Variants in STK25 observed in about 807,000 individuals in gnomAD.
STK25 encodes the protein serine/threonine-protein kinase 25.
In STK25, 29 loss-of-function variants were observed where a neutral mutation model predicts 53.8. The ratio of observed to expected loss-of-function variants is 0.54; its 90% confidence interval spans 0.40 to 0.74. The LOEUF (loss-of-function observed/expected upper bound fraction) is 0.74. STK25 is among the 30% of genes least tolerant of loss of function. STK25 has a pLI of 0.00. For synonymous variants in STK25, 247 were observed against 238.3 expected (o/e 1.04, Z -0.33); for missense variants, 420 against 568.0 (o/e 0.74, Z 2.65).
rs1435138412 is a variant in STK25 at position 241,493,647 on chromosome 2, T to G, written c.*2015A>C. 1.4e-5 allele frequency: 8 copies of G among 585,446 alleles called. No individual in the cohort carries two copies. Among genetic ancestry groups the G allele is most frequent in the South Asian group, 6.1e-5 (3 of 48,956 alleles). The allele number at this position is 585,446 out of a possible 1,614,324, so 36.3% of individuals were successfully genotyped here. On this transcript the variant is annotated 3_prime_UTR_variant, in exon 12 of 12. Coordinates refer to ENST00000316586, the MANE Select transcript of STK25 (RefSeq NM_001271977.2). Reference sequence around the variant, plus strand: ...TCTCCCTCTGTCACTCAGGCTGGAGTGCAGTGATACAATCTTGGCTCACTA... The same window carrying G: ...TCTCCCTCTGTCACTCAGGCTGGAGGGCAGTGATACAATCTTGGCTCACTA...
At chr2:241,508,221 G>T (rs916488601) in intron 1 of STK25, 86 bp from the exon 2 acceptor site, 7 of 1,307,934 alleles carry the variant, frequency 5.4e-6, no homozygotes, top group Admixed American at 4.1e-5. Flanking sequence ...GGTGGGGGGG[G>T]GCCCAGGAGA....
chr2:241,498,193 C>T, intron 9 of STK25, 42 bp downstream of exon 9: 2 of 1,574,288 alleles, frequency 1.3e-6, no homozygotes, highest in Non-Finnish European at 1.7e-6. Flanking sequence ...ATCCCACGGC[C>T]CCAGGGGTGC....
intron 10 of STK25, 144 bp downstream of exon 10, chr2:241,497,472 T>C: frequency 2.5e-6 from 2 of 813,354 alleles, no homozygotes; most frequent in South Asian, 1.7e-5. Context: ...CTCCTTCCAC[T>C]CAGAAAACCC....
Position 241,508,426 on chromosome 2 carries a change from C to A in STK25, c.-101+17G>T. On this transcript the variant is annotated intron_variant, in intron 1 of 11. Coordinates refer to ENST00000316586, the MANE Select transcript of STK25 (RefSeq NM_001271977.2). The stretch of plus-strand genomic sequence containing the variant: ...CTCCCCAATCGCCGCAAGCGCCCCG[C>A]CCGGCAGCGCGCCCACCTCCGCGGG... 4.6e-6 allele frequency: 5 copies of A among 1,084,828 alleles called. No individual in the cohort carries two copies. The highest frequency in any genetic ancestry group is 5.6e-6 in the Non-Finnish European group (5 of 890,532). The allele number at this position is 1,084,828 out of a possible 1,614,324, so 67.2% of individuals were successfully genotyped here. A position where few individuals can be genotyped will look rare whatever the true frequency, so the allele number is the denominator to read the frequency against.
At chr2:241,506,842 A>G (rs2065859968) in intron 2 of STK25, among the ~76,000 whole-genome samples, 1 of 152,248 alleles carries the variant, frequency 6.6e-6, no homozygotes, top group African/African-American at 2.4e-5. Context: ...AAGTTACCAG[A>G]TACAGAATGC....
intron 5 of STK25, 193 bp from the exon 6 acceptor site, chr2:241,499,607 C>A: frequency 1.5e-6 from 1 of 657,364 alleles, no homozygotes; most frequent in Non-Finnish European, 2.6e-6. Flanking sequence ...AGCAGGAGCC[C>A]AACGGCTCCA....
chr2:241,500,203 A>C lies in STK25; in HGVS notation c.397T>G (p.Ser133Ala), dbSNP rs2065425871. The C allele has an allele frequency of 3.1e-6, 5 of 1,613,864 alleles. No individual in the cohort carries two copies. Among genetic ancestry groups the C allele is most frequent in the Admixed American group, 1.7e-5 (1 of 59,984 alleles). ...EILKGLDYLH[S>A]ERKIHRDIKA... ...ATGTCTCGGTGGATCTTGCGTTCGG[A>C]GTGCAGATAATCCAGGCCCTTCAGA... The change falls in exon 5 of 12, where the codon TCC becomes GCC. Residue 133 changes from serine (S) to alanine (A), a missense_variant. Transcript: ENST00000316586.
Position 241,495,656 on chromosome 2 carries a change from T to C in STK25, c.*6A>G, listed in dbSNP as rs1052321512. ...CTTCCGTCCCCTATCTGAACAGCAGTGCGCTTCAGCGGGTGGATGTCAGGT... is the reference window on the plus strand; with the variant it reads ...CTTCCGTCCCCTATCTGAACAGCAGCGCGCTTCAGCGGGTGGATGTCAGGT... On this transcript the variant is annotated 3_prime_UTR_variant, in exon 12 of 12. Coordinates refer to ENST00000316586, the MANE Select transcript of STK25 (RefSeq NM_001271977.2). 5.0e-6 allele frequency: 8 copies of C among 1,614,058 alleles called. No homozygotes were observed. The African/African-American group carries it at 1.1e-4, about 22-fold the overall frequency.
rs1366337009 is a variant in STK25, at chr2:241,493,489, T to TCCGCTCAGCTCCCATTTCTACTC, written c.*2150_*2172dup. The TCCGCTCAGCTCCCATTTCTACTC allele has an allele frequency of 6.3e-7, 1 of 1,581,682 alleles. No individual in the cohort carries two copies. The highest frequency in any genetic ancestry group is 2.2e-5 in the East Asian group (1 of 44,666). On this transcript the variant is annotated 3_prime_UTR_variant, in exon 12 of 12. Transcript: ENST00000316586. The stretch of plus-strand genomic sequence containing the variant: ...CCCTGGTCAGCTGCCCATTTCGATG[T>TCCGCTCAGCTCCCATTTCTACTC]CCGCTCAGCTCCCATTTCTACTCAT...
At position 241,508,142 on chromosome 2, in the gene STK25, G is replaced by A. The variant is rs2065965366; in HGVS notation, c.-100-7C>T. The A allele has an allele frequency of 6.8e-7, 1 of 1,479,018 alleles. No individual in the cohort carries two copies. The highest frequency in any genetic ancestry group is 8.9e-7 in the Non-Finnish European group (1 of 1,117,540). 91.6% of individuals were successfully genotyped at this position (1,479,018 alleles called of 1,614,324 possible). A position where few individuals can be genotyped will look rare whatever the true frequency, so the allele number is the denominator to read the frequency against. On this transcript the variant is annotated splice_polypyrimidine_tract_variant and splice_region_variant and intron_variant, in intron 1 of 11. Coordinates refer to ENST00000316586, the MANE Select transcript of STK25 (RefSeq NM_001271977.2). Reference sequence around the variant, plus strand: ...CCCCTGCGGCGTCAGTCCACTGCGAGGGACACCAGGGGCGCTCGGTGCCCA... The same window carrying A: ...CCCCTGCGGCGTCAGTCCACTGCGAAGGACACCAGGGGCGCTCGGTGCCCA...
Position 241,494,209 on chromosome 2 carries a change from T to A in STK25, c.*1453A>T. 1.2e-6 allele frequency: 1 copy of A among 803,156 alleles called. No individual in the cohort carries two copies. The highest frequency in any genetic ancestry group is 1.9e-6 in the Non-Finnish European group (1 of 539,238). The allele number at this position is 803,156 out of a possible 1,614,324, so 49.8% of individuals were successfully genotyped here. ...CTCTGTCCTGAGGCTTCTCAACAGA[T>A]GGGAAGTGGCTGTGGTCTCACTGGA... On this transcript the variant is annotated 3_prime_UTR_variant, in exon 12 of 12. Coordinates refer to ENST00000316586, the MANE Select transcript of STK25 (RefSeq NM_001271977.2). This position sits in a 1 kb window ranked among gnomAD's most constrained non-coding sequence, Gnocchi z 4.9.
Position 241,495,609 on chromosome 2 carries a change from G to C in STK25, c.*53C>G. ...TCCAAGTCAGCACAGTTCTTATGGA[G>C]CTCAGAACAAAAACAAACGACCTTC... On this transcript the variant is annotated 3_prime_UTR_variant, in exon 12 of 12. Coordinates refer to ENST00000316586, the MANE Select transcript of STK25 (RefSeq NM_001271977.2). 8.1e-6 allele frequency: 13 copies of C among 1,596,828 alleles called. No individual in the cohort carries two copies. The highest frequency in any genetic ancestry group is 1.1e-5 in the Non-Finnish European group (13 of 1,164,188).
At position 241,493,601 on chromosome 2, in the gene STK25, T is replaced by G. The variant is rs1368251859; in HGVS notation, c.*2061A>C. On this transcript the variant is annotated 3_prime_UTR_variant, in exon 12 of 12. Transcript: ENST00000316586. Reference sequence around the variant, plus strand: ...TCCAAAAAACAGCAATGCTTTGTTTTTTTTTTTTTTGGAGATGGCGTCTCC... The same window carrying G: ...TCCAAAAAACAGCAATGCTTTGTTTGTTTTTTTTTTGGAGATGGCGTCTCC... 3 of 644,508 alleles carry G rather than the reference T, an allele frequency of 4.7e-6. No individual in the cohort carries two copies. Among genetic ancestry groups the G allele is most frequent in the Admixed American group, 2.9e-5 (1 of 34,448 alleles). 39.9% of individuals were successfully genotyped at this position (644,508 alleles called of 1,614,324 possible).
chr2:241,501,547 C>T lies in STK25; in HGVS notation c.192G>A (p.Gln64=). Residue 64 remains glutamine, a synonymous_variant, in exon 3 of 12, where the codon CAG becomes CAA. Coordinates refer to ENST00000316586, the MANE Select transcript of STK25 (RefSeq NM_001271977.2). The surrounding 1 kb of genome is among the most constrained non-coding windows in gnomAD (Gnocchi z 5.3). ...ACTGACTGAGGACAGTGATCTCCTG[C>T]TGGATGTCCTCGATCTCATCCTCGG... ...EEAEDEIEDI[Q]QEITVLSQCD... The T allele has an allele frequency of 6.2e-7, 1 of 1,614,124 alleles. No individual in the cohort carries two copies.
chr2:241,492,688 CTT>C lies in STK25; in HGVS notation c.*2972_*2973del. 2.2e-6 allele frequency: 1 copy of C among 464,098 alleles called. No homozygotes were observed. Among genetic ancestry groups the C allele is most frequent in the Non-Finnish European group, 3.9e-6 (1 of 259,260 alleles). 28.7% of individuals were successfully genotyped at this position (464,098 alleles called of 1,614,324 possible). A position where few individuals can be genotyped will look rare whatever the true frequency, so the allele number is the denominator to read the frequency against. ...TGGATGGTTGGTTACTGAACACTGA[CTT>C]TATTGTGCACAGGGAAAGGGAACTC... is the stretch of plus-strand genomic sequence containing the variant. On this transcript the variant is annotated 3_prime_UTR_variant, in exon 12 of 12. Transcript: ENST00000316586.
chr2:241,507,025 A>G (rs1280188852), intron 2 of STK25, among the ~76,000 whole-genome samples: 1 of 152,032 alleles, frequency 6.6e-6, no homozygotes, highest in East Asian at 1.9e-4. Flanking sequence ...TCCTGCCCCT[A>G]CGCGAACAGA....
In STK25 at chr2:241,499,025, C is replaced by T. The variant is rs1233888729; in HGVS notation, c.735G>A (p.Glu245=). ...LEGQHSKPFK[E]FVEACLNKDP... The stretch of plus-strand genomic sequence containing the variant: ...CTTTGTTGAGGCAGGCCTCCACGAA[C>T]TCCTTGAAGGGCTTGCTGTGCTGGC... The change falls in exon 7 of 12, where the codon GAG becomes GAA. Residue 245 remains glutamate (E), a synonymous_variant. Coordinates refer to ENST00000316586, the MANE Select transcript of STK25 (RefSeq NM_001271977.2). The T allele has an allele frequency of 6.2e-7, 1 of 1,614,006 alleles. No homozygotes were observed. Among genetic ancestry groups the T allele is most frequent in the South Asian group, 1.1e-5 (1 of 91,086 alleles).
At chr2:241,507,385 ACTT>A (rs2065898162) in intron 2 of STK25, among the ~76,000 whole-genome samples, 1 of 152,128 alleles carries the variant, frequency 6.6e-6, no homozygotes, top group Non-Finnish European at 1.5e-5. Flanking sequence ...AGTGGAAACG[ACTT>A]CTTTAAAGAA....
chr2:241,500,767 G>A lies in STK25; in HGVS notation c.291C>T (p.Tyr97=). Reference sequence around the variant, plus strand: ...AGTCCAGTGCTGAGCCGCCGCCCAGGTACTCCATGATGATCCATAGCTTGG... The same window carrying A: ...AGTCCAGTGCTGAGCCGCCGCCCAGATACTCCATGATGATCCATAGCTTGG... ...KSTKLWIIME[Y]LGGGSALDLL... Residue 97 remains tyrosine, a synonymous_variant, in exon 4 of 12, where the codon TAC becomes TAT. Coordinates refer to ENST00000316586, the MANE Select transcript of STK25 (RefSeq NM_001271977.2). 6.2e-7 allele frequency: 1 copy of A among 1,613,934 alleles called. No homozygotes were observed. The highest frequency in any genetic ancestry group is 8.5e-7 in the Non-Finnish European group (1 of 1,179,936).
Sources: gnomAD v4.1 joint callset for allele counts (sites outside exome capture counted in the v4.1 genomes callset) on GRCh38, gnomAD v4.1.1 for gene constraint, Gnocchi (gnomAD v3.1) non-coding constraint, MANE v1.5 for transcripts, NCBI Gene and HGNC (gene_info 2026-07-23, HGNC 2026-07-21) for gene names.